PFKM: variants seen among roughly 807,000 people sequenced by gnomAD.
The protein encoded by PFKM is phosphofructokinase, muscle.
In PFKM, 58 loss-of-function variants were observed where a neutral mutation model predicts 95.5. The observed-to-expected ratio is 0.61, with a 90% CI of 0.49 to 0.76. The LOEUF is 0.76. Ranked by LOEUF, PFKM falls within the 30% of genes least tolerant of loss-of-function variation. The pLI is 0.00. For synonymous variants in PFKM, 336 were observed against 357.2 expected (o/e 0.94, Z 0.67); for missense variants, 678 against 1,005.4 (o/e 0.67, Z 4.40).
intron 3 of PFKM, chr12:48,108,210 C>CAA: frequency 1.3e-6 from 2 of 1,593,510 alleles, no homozygotes; most frequent in Non-Finnish European, 1.7e-6. Context: ...GCATGTGGGT[C>CAA]AACAGTGAGA....
At chr12:48,122,566 T>G in intron 1 of PFKM, 1 of 1,417,710 alleles carries the variant, frequency 7.1e-7, no homozygotes, top group Non-Finnish European at 9.2e-7. Context: ...TGGGCTTGAT[T>G]ACATGACATT....
chr12:48,134,329 C>T, intron 7 of PFKM, 53 bp downstream of exon 7: 2 of 1,486,398 alleles, frequency 1.3e-6, no homozygotes, highest in East Asian at 4.5e-5. Context: ...ATAGCCCTTT[C>T]CTTTTCCCCA....
chr12:48,106,379 C>T (rs1946608591), intron 1 of PFKM: 1 of 474,722 alleles, frequency 2.1e-6, no homozygotes, highest in East Asian at 3.8e-5. Flanking sequence ...CCTTCTGGTT[C>T]CGCCCGGCGA....
chr12:48,121,308 G>GATT (rs1361177337), intron 1 of PFKM, among the ~76,000 whole-genome samples: 1 of 152,238 alleles, frequency 6.6e-6, no homozygotes, highest in African/African-American at 2.4e-5. Context: ...TGACAATGGA[G>GATT]CAGAGAATCT....
chr12:48,133,715 C>T (rs1379267714), intron 6 of PFKM, among the ~76,000 whole-genome samples: 2 of 152,182 alleles, frequency 1.3e-5, no homozygotes, highest in African/African-American at 2.4e-5. Context: ...AAATATGCAG[C>T]TCTGAGGTCT....
intron 2 of PFKM, chr12:48,107,491 G>A: frequency 7.4e-7 from 1 of 1,348,076 alleles, no homozygotes; most frequent in Admixed American, 1.7e-5. Context: ...CAGTGACAGA[G>A]AATGGGTTCT....
intron 5 of PFKM, 28 bp from the exon 6 acceptor site, chr12:48,133,287 T>G: frequency 6.2e-7 from 1 of 1,603,296 alleles, no homozygotes; most frequent in Non-Finnish European, 8.5e-7. Context: ...CCTCACCCAG[T>G]GGCTCCTGGT....
chr12:48,143,464 C>T (rs1023337788), intron 18 of PFKM, among the ~76,000 whole-genome samples: 2 of 152,158 alleles, frequency 1.3e-5, no homozygotes, highest in Admixed American at 1.3e-4. Context: ...GCAAGGGGAA[C>T]CAGAAAGGCT....
At position 48,130,453 on chromosome 12, in the gene PFKM, G is replaced by C; in HGVS notation, c.159+17G>C. 1 of 1,580,026 alleles carries C rather than the reference G, an allele frequency of 6.3e-7. No homozygotes were observed. The highest frequency in any genetic ancestry group is 8.7e-7 in the Non-Finnish European group (1 of 1,148,790). ...GTCCATGAGGTTGGTTCTGTACTTTGTTCTTCATCATTCTTTCTCTGTCTT... is the reference window on the plus strand; with the variant it reads ...GTCCATGAGGTTGGTTCTGTACTTTCTTCTTCATCATTCTTTCTCTGTCTT... On this transcript the variant is annotated intron_variant, in intron 3 of 22. Transcript: ENST00000359794.
intron 2 of PFKM, among the ~76,000 whole-genome samples, chr12:48,129,449 G>A (rs1311276830): frequency 6.6e-6 from 1 of 151,410 alleles, no homozygotes; most frequent in African/African-American, 2.4e-5. Flanking sequence ...TTATATACAG[G>A]GCCACAGGAA....
intron 1 of PFKM, 96 bp from the exon 2 acceptor site, chr12:48,122,671 G>T: frequency 6.3e-7 from 1 of 1,581,472 alleles, no homozygotes; most frequent in South Asian, 1.1e-5. Flanking sequence ...GGGAGAGCCT[G>T]ACTGAGGTGG....
upstream of PFKM, among the ~76,000 whole-genome samples, chr12:48,116,214 CTCCT>C (rs780044989): frequency 2.5e-4 from 36 of 145,368 alleles, no homozygotes; most frequent in East Asian, 6.1e-4. Flanking sequence ...TCCTTCTTTT[CTCCT>C]TCCTTCCTTC....
At chr12:48,123,318 C>T (rs1418404152) in intron 2 of PFKM, among the ~76,000 whole-genome samples, 1 of 152,172 alleles carries the variant, frequency 6.6e-6, no homozygotes, top group Non-Finnish European at 1.5e-5. Flanking sequence ...CAGTCAGGCA[C>T]TCGGTTTTCT....
upstream of PFKM, chr12:48,118,646 G>C (rs1411464820): frequency 2.3e-6 from 2 of 866,326 alleles, no homozygotes; most frequent in Non-Finnish European, 3.7e-6. Context: ...AGTGGATCCT[G>C]TTTGCTGTGA....
At chr12:48,113,931 G>A (rs534193788) in intron 3 of PFKM, among the ~76,000 whole-genome samples, 5 of 152,254 alleles carry the variant, frequency 3.3e-5, no homozygotes, top group East Asian at 3.9e-4. Flanking sequence ...CTGCTAAGCC[G>A]GCCATGAACT....
intron 2 of PFKM, among the ~76,000 whole-genome samples, chr12:48,127,436 C>G (rs1237132970): frequency 2.6e-5 from 4 of 152,238 alleles, no homozygotes; most frequent in Non-Finnish European, 1.5e-5. Context: ...AAACCTGCCT[C>G]TGCTGAGTCA....
Position 48,141,312 on chromosome 12 carries a change from T to C in PFKM, c.1343T>C (p.Ile448Thr), listed in dbSNP as rs760835780. 1.2e-6 allele frequency: 2 copies of C among 1,614,030 alleles called. No homozygotes were observed. The highest frequency in any genetic ancestry group is 1.7e-6 in the Non-Finnish European group (2 of 1,179,952). Residue 448 changes from isoleucine to threonine, a missense_variant and splice_region_variant, in exon 15 of 23, where the codon ATA becomes ACA. By Grantham distance (89) the Ile-to-Thr change is moderately conservative. Transcript: ENST00000359794. ...GAGCTCTGTGGCTTATCCCCACAGA[T>C]AGAGGAAGCTGGCTGGAGCTATGTT... ...DGFEGLAKGQIEEAGWSYVGG... is the reference protein window; with the variant it reads ...DGFEGLAKGQTEEAGWSYVGG...
chr12:48,108,860 A>C (rs867989993), intron 3 of PFKM, among the ~76,000 whole-genome samples: 5 of 152,358 alleles, frequency 3.3e-5, no homozygotes, highest in African/African-American at 1.2e-4. Flanking sequence ...CATTGCCCCA[A>C]TAGCTTACAC....
At chr12:48,118,705 TC>T (rs1565852341), upstream of PFKM, 14 of 644,476 alleles carry the variant, frequency 2.2e-5, no homozygotes, top group Non-Finnish European at 3.1e-5. Flanking sequence ...CCCCCATCCC[TC>T]CCCACTGCAG....
Sources: gnomAD v4.1 joint callset for allele counts (sites outside exome capture counted in the v4.1 genomes callset) on GRCh38, gnomAD v4.1.1 for gene constraint, MANE v1.5 for transcripts, NCBI Gene and HGNC (gene_info 2026-07-23, HGNC 2026-07-21) for gene names.